The following ST8SIA1 variants were observed in gnomAD, a reference collection of about 807,000 sequenced individuals.
ST8SIA1 encodes the protein alpha-N-acetylneuraminide alpha-2,8-sialyltransferase.
ST8SIA1 carries 16 observed loss-of-function variants against 35.9 expected under a neutral mutation model. The ratio of observed to expected loss-of-function variants is 0.45; its 90% CI spans 0.30 to 0.68. The LOEUF is 0.68. ST8SIA1 is among the 30% of genes least tolerant of loss of function. The pLI is 0.09. For missense variants in ST8SIA1, 383 were observed against 453.6 expected (o/e 0.84, Z 1.41); for synonymous variants, 170 against 169.6 (o/e 1.00, Z -0.02).
rs115434596 is a variant in ST8SIA1 at position 22,328,894 on chromosome 12, C to G, written c.236+5103G>C. Among the ~76,000 whole-genome samples the G allele has an allele frequency of 1.7e-3, 259 of 152,278 alleles. 2 individuals carry two copies. The highest frequency in any genetic ancestry group is 5.8e-3 in the African/African-American group (243 of 41,554). On this transcript the variant is annotated intron_variant, in intron 1 of 4. Transcript: ENST00000396037. ...ATGAAGGCTGATTTGCTCAAGAACA[C>G]AGCAAGTGATGGAATCAGAATTTGA...
intron 2 of ST8SIA1, among the ~76,000 whole-genome samples, chr12:22,259,387 C>T (rs1865761400): frequency 6.6e-6 from 1 of 152,040 alleles, no homozygotes; most frequent in Non-Finnish European, 1.5e-5. Flanking sequence ...TCTCTGGGCA[C>T]TTATAATACG....
intron 4 of ST8SIA1, chr12:22,223,598 T>C: frequency 9.4e-7 from 1 of 1,067,508 alleles, no homozygotes; most frequent in Non-Finnish European, 1.1e-6. Flanking sequence ...TCAAGCAGCA[T>C]GAGTCTGGAG....
intron 1 of ST8SIA1, among the ~76,000 whole-genome samples, chr12:22,333,613 T>C (rs1330558277): frequency 6.6e-6 from 1 of 152,236 alleles, no homozygotes; most frequent in African/African-American, 2.4e-5. Context: ...ACCTGCTTCT[T>C]GTTCCCTACA....
At chr12:22,228,751 G>T (rs1400141667) in intron 4 of ST8SIA1, among the ~76,000 whole-genome samples, 1 of 152,056 alleles carries the variant, frequency 6.6e-6, no homozygotes, top group East Asian at 1.9e-4. Context: ...GATGACCCGA[G>T]ATTCCATTTA....
At chr12:22,308,114 G>A (rs112320960) in intron 1 of ST8SIA1, among the ~76,000 whole-genome samples, 3,433 of 152,210 alleles carry the variant, frequency 0.023, 141 homozygotes, top group African/African-American at 0.079. Flanking sequence ...TTTGATGGTG[G>A]TTGCTTTAAA....
At chr12:22,325,374 A>G in intron 1 of ST8SIA1, 2 of 696,154 alleles carry the variant, frequency 2.9e-6, no homozygotes, top group South Asian at 3.0e-5. Context: ...TGTGGCTCTG[A>G]ATTCATTTCC....
intron 3 of ST8SIA1, 61 bp from the exon 4 acceptor site, chr12:22,249,159 A>G (rs1296998092): frequency 1.9e-6 from 2 of 1,049,050 alleles, no homozygotes; most frequent in Non-Finnish European, 2.9e-6. Flanking sequence ...ATCAGTTAGA[A>G]TAATACAAAT....
chr12:22,284,664 A>G (rs1003376368), intron 2 of ST8SIA1, among the ~76,000 whole-genome samples: 1 of 152,218 alleles, frequency 6.6e-6, no homozygotes, highest in African/African-American at 2.4e-5. Flanking sequence ...GGCTGTGCCC[A>G]TACACAATGA....
chr12:22,333,759 C>G, intron 1 of ST8SIA1: 1 of 714,732 alleles, frequency 1.4e-6, no homozygotes, highest in Non-Finnish European at 2.5e-6. Context: ...AGAAATGCGT[C>G]GAGTCTTTAC....
chr12:22,285,877 C>CAAAAAAAACAAAAAAAACAAAAA (rs67273710), intron 2 of ST8SIA1, among the ~76,000 whole-genome samples: 1 of 103,632 alleles, frequency 9.6e-6, no homozygotes, highest in Non-Finnish European at 1.9e-5. Context: ...CTGTCAAAAA[C>CAAAAAAAACAAAAAAAACAAAAA]AAAAAAAAAA....
At chr12:22,299,026 G>A (rs1866283417) in intron 1 of ST8SIA1, among the ~76,000 whole-genome samples, 2 of 151,992 alleles carry the variant, frequency 1.3e-5, no homozygotes, top group Admixed American at 1.3e-4. Flanking sequence ...CAAAAGGGAA[G>A]GAAAATGAGA....
intron 4 of ST8SIA1, among the ~76,000 whole-genome samples, chr12:22,242,724 G>A (rs1027805658): frequency 6.6e-6 from 1 of 152,194 alleles, no homozygotes; most frequent in African/African-American, 2.4e-5. Context: ...ATGGTGCATT[G>A]ATGAAGGGTA....
intron 3 of ST8SIA1, among the ~76,000 whole-genome samples, chr12:22,249,912 T>G (rs149447044): frequency 4.6e-5 from 7 of 152,310 alleles, no homozygotes; most frequent in African/African-American, 1.7e-4. Flanking sequence ...AAGAGTGCAT[T>G]CAGGGCCATG....
In ST8SIA1 at chr12:22,203,184, T is replaced by TA. The variant is rs1336306944; in HGVS notation, c.585-1147dup. On this transcript the variant is annotated intron_variant, in intron 4 of 4. Coordinates refer to ENST00000396037, the MANE Select transcript of ST8SIA1 (RefSeq NM_003034.4). ...TAAGAGGCTGCTAATACACTCAAGT[T>TA]AAAAAAAAGAGAGAGAGAGAAAGAG... Among the ~76,000 whole-genome samples the TA allele has an allele frequency of 1.8e-3, 265 of 150,434 alleles. 1 individual carries two copies. Among genetic ancestry groups the TA allele is most frequent in the African/African-American group, 5.1e-3 (207 of 40,914 alleles).
At chr12:22,326,121 G>A in intron 1 of ST8SIA1, 1 of 446,040 alleles carries the variant, frequency 2.2e-6, no homozygotes, top group Middle Eastern at 5.6e-4. Context: ...ACAGATATGG[G>A]AGAACTGCTG....
intron 4 of ST8SIA1, among the ~76,000 whole-genome samples, chr12:22,247,766 GA>G (rs932296101): frequency 6.6e-6 from 1 of 151,812 alleles, no homozygotes; most frequent in African/African-American, 2.4e-5. Context: ...AATTGCAATA[GA>G]ATATAAATTA....
rs530400602 is a variant in ST8SIA1, at chr12:22,206,958, G to C, written c.585-4920C>G. Among the ~76,000 whole-genome samples, 9 of 152,338 alleles carry C rather than the reference G, an allele frequency of 5.9e-5. No individual in the cohort carries two copies. The South Asian group carries it at 1.9e-3, about 32-fold the overall frequency. The stretch of plus-strand genomic sequence containing the variant: ...AAAGGCATTTAGGTAATAAGAAAGT[G>C]CTGCTGGCAATTTAAAAAATATAAC... On this transcript the variant is annotated intron_variant, in intron 4 of 4. Transcript: ENST00000396037.
chr12:22,238,188 G>A (rs1865497235), intron 4 of ST8SIA1, among the ~76,000 whole-genome samples: 1 of 152,124 alleles, frequency 6.6e-6, no homozygotes, highest in African/African-American at 2.4e-5. Context: ...AGGTGGATCT[G>A]TGCTAGAACT....
rs376332037 is a variant in ST8SIA1 at position 22,266,789 on chromosome 12, C to T, written c.382-11400G>A. On this transcript the variant is annotated intron_variant, in intron 2 of 4. Coordinates refer to ENST00000396037, the MANE Select transcript of ST8SIA1 (RefSeq NM_003034.4). ...TGCAGCCTGGGTGACCGAGTGAGAC[C>T]CTGTCTCTTGAAAAAATGTGTGTAC... Among the ~76,000 whole-genome samples, 63 of 150,906 alleles carry T rather than the reference C, an allele frequency of 4.2e-4. 1 individual carries two copies. The highest frequency in any genetic ancestry group is 1.5e-3 in the African/African-American group (62 of 41,044).
Sources: allele counts gnomAD v4.1 joint callset (sites outside exome capture counted in the v4.1 genomes callset), GRCh38; gene constraint gnomAD v4.1.1; transcripts MANE v1.5; gene names NCBI Gene and HGNC (gene_info 2026-07-23, HGNC 2026-07-21).